The following MOB3B variants were observed in gnomAD, a reference collection of about 807,000 sequenced individuals.
MOB3B encodes MOB kinase activator 3B.
In MOB3B, 7 loss-of-function variants were observed where a neutral mutation model predicts 18.7. That is an observed-to-expected ratio of 0.37 (90% confidence interval 0.21 to 0.70). MOB3B has a LOEUF of 0.70. Among genes scored for constraint, MOB3B ranks in the 30% least tolerant of loss-of-function variants. The pLI, the probability that MOB3B is intolerant of heterozygous loss-of-function variation, is 0.52. For synonymous variants in MOB3B, 111 were observed against 99.9 expected (o/e 1.11, Z -0.66); for missense variants, 253 against 281.3 (o/e 0.90, Z 0.72).
Position 27,330,554 on chromosome 9 carries a change from G to A in MOB3B, c.*33C>T, listed in dbSNP as rs775753898. ...CCGCTCAGGGCACCAGGAGGAAACAGCTTTCCTTTCTTCCAAAGGGTGAGG... is the reference window on the plus strand; with the variant it reads ...CCGCTCAGGGCACCAGGAGGAAACAACTTTCCTTTCTTCCAAAGGGTGAGG... On this transcript the variant is annotated 3_prime_UTR_variant, in exon 4 of 4. Transcript: ENST00000262244. 6.2e-7 allele frequency: 1 copy of A among 1,613,534 alleles called. No homozygotes were observed. Among genetic ancestry groups the A allele is most frequent in the African/African-American group, 1.3e-5 (1 of 74,920 alleles).
At chr9:27,401,520 T>C (rs1018163183) in intron 2 of MOB3B, among the ~76,000 whole-genome samples, 9 of 152,136 alleles carry the variant, frequency 5.9e-5, no homozygotes, top group Non-Finnish European at 4.4e-5. Context: ...CAAAGATAGA[T>C]GATCTGAAAC....
intron 2 of MOB3B, among the ~76,000 whole-genome samples, chr9:27,395,885 C>A (rs1821790628): frequency 6.6e-6 from 1 of 152,136 alleles, no homozygotes; most frequent in African/African-American, 2.4e-5. Flanking sequence ...GGAGCACTTG[C>A]AGGATTAAAT....
At chr9:27,474,763 T>A (rs1353212496) in intron 1 of MOB3B, among the ~76,000 whole-genome samples, 1 of 152,208 alleles carries the variant, frequency 6.6e-6, no homozygotes, top group Non-Finnish European at 1.5e-5. Context: ...AACTTTGAAA[T>A]CTAGAATGAA....
chr9:27,417,049 T>C (rs74756784), intron 2 of MOB3B, among the ~76,000 whole-genome samples: 1,869 of 152,246 alleles, frequency 0.012, 48 homozygotes, highest in African/African-American at 0.041. Flanking sequence ...ACCATGAAGA[T>C]ACAGGATGTA....
At chr9:27,476,737 C>T (rs1376359325) in intron 1 of MOB3B, among the ~76,000 whole-genome samples, 1 of 152,282 alleles carries the variant, frequency 6.6e-6, no homozygotes, top group East Asian at 1.9e-4. Context: ...TGTAGACATC[C>T]AACTTACAAG....
chr9:27,503,822 C>T (rs1473718822), intron 1 of MOB3B, among the ~76,000 whole-genome samples: 1 of 152,206 alleles, frequency 6.6e-6, no homozygotes, highest in East Asian at 1.9e-4. Flanking sequence ...GGAGTTTGCC[C>T]TCTTGGGATT....
chr9:27,457,111 T>G, intron 1 of MOB3B, among the ~76,000 whole-genome samples: 1 of 152,238 alleles, frequency 6.6e-6, no homozygotes, highest in South Asian at 2.1e-4. Context: ...AAATCCAGTT[T>G]GTTGACTCCT....
rs1206870916 is a variant in MOB3B at position 27,325,772 on chromosome 9, G to C, written c.*4815C>G. 1.3e-5 allele frequency: 2 copies of C among 152,100 alleles called. No individual in the cohort carries two copies. Among genetic ancestry groups the C allele is most frequent in the Non-Finnish European group, 2.9e-5 (2 of 68,018 alleles). The allele number at this position is 152,100 out of a possible 1,614,324, so 9.4% of individuals were successfully genotyped here. Reference sequence around the variant, plus strand: ...TGGTACACATTTCCTCAAAGATAATGGCTATACTTTTCCCACAATCTTTTT... The same window carrying C: ...TGGTACACATTTCCTCAAAGATAATCGCTATACTTTTCCCACAATCTTTTT... On this transcript the variant is annotated 3_prime_UTR_variant, in exon 4 of 4. Transcript: ENST00000262244.
intron 2 of MOB3B, among the ~76,000 whole-genome samples, chr9:27,435,108 G>T (rs1045182322): frequency 2.0e-5 from 3 of 150,750 alleles, no homozygotes; most frequent in Admixed American, 2.0e-4. Flanking sequence ...AGGGAGAAAG[G>T]GATGGTTAAA....
chr9:27,402,507 T>A (rs1821900248), intron 2 of MOB3B, among the ~76,000 whole-genome samples: 1 of 152,206 alleles, frequency 6.6e-6, no homozygotes, highest in Non-Finnish European at 1.5e-5. Context: ...CTTTATCTCA[T>A]TGCCTGGTGT....
intron 2 of MOB3B, among the ~76,000 whole-genome samples, chr9:27,424,380 G>C (rs1822297461): frequency 6.6e-6 from 1 of 152,184 alleles, no homozygotes; most frequent in South Asian, 2.1e-4. Flanking sequence ...ATGTGTATGA[G>C]GCTCAAACTG....
At chr9:27,493,437 G>T (rs886799006) in intron 1 of MOB3B, among the ~76,000 whole-genome samples, 3 of 152,074 alleles carry the variant, frequency 2.0e-5, no homozygotes, top group African/African-American at 4.8e-5. Flanking sequence ...TCAGAAGATC[G>T]AGACCATCCT....
chr9:27,437,921 T>C (rs1373186235), intron 2 of MOB3B, among the ~76,000 whole-genome samples: 3 of 152,178 alleles, frequency 2.0e-5, no homozygotes, highest in African/African-American at 7.2e-5. Context: ...CCAAAAGCTA[T>C]GAAAGCATAG....
At chr9:27,402,833 T>G (rs1349096032) in intron 2 of MOB3B, among the ~76,000 whole-genome samples, 1 of 152,232 alleles carries the variant, frequency 6.6e-6, no homozygotes, top group Non-Finnish European at 1.5e-5. Flanking sequence ...AGGGTTGTAA[T>G]GTGTAGCTTC....
At chr9:27,449,964 C>T (rs367622792) in intron 2 of MOB3B, among the ~76,000 whole-genome samples, 6 of 144,722 alleles carry the variant, frequency 4.1e-5, no homozygotes, top group African/African-American at 1.0e-4. Context: ...GGCAACAGAG[C>T]GAGACTCTGT....
Position 27,519,970 on chromosome 9 carries a change from C to T in MOB3B, c.-199+9585G>A, listed in dbSNP as rs10121455. On this transcript the variant is annotated intron_variant, in intron 1 of 3. Transcript: ENST00000262244. Reference sequence around the variant, plus strand: ...CCTCTGCATGCCCCATGGGAAGTACCGCTAGGCCTGGACACAAGGCTTCCT... The same window carrying T: ...CCTCTGCATGCCCCATGGGAAGTACTGCTAGGCCTGGACACAAGGCTTCCT... 5.9e-4 allele frequency among the ~76,000 whole-genome samples: 89 copies of T among 152,120 alleles called. 1 individual carries two copies. Among genetic ancestry groups the T allele is most frequent in the African/African-American group, 2.0e-3 (82 of 41,480 alleles).
chr9:27,489,852 A>C (rs893140332), intron 1 of MOB3B, among the ~76,000 whole-genome samples: 1 of 148,020 alleles, frequency 6.8e-6, no homozygotes, highest in Non-Finnish European at 1.5e-5. Flanking sequence ...ACACAAATGT[A>C]TCTCTAAAAC....
chr9:27,336,956 A>G (rs1396888306), intron 3 of MOB3B, among the ~76,000 whole-genome samples: 2 of 152,228 alleles, frequency 1.3e-5, no homozygotes, highest in African/African-American at 2.4e-5. Flanking sequence ...AGGCCGTCAA[A>G]GGGTATTGCA....
chr9:27,484,748 C>A (rs1460935157), intron 1 of MOB3B, among the ~76,000 whole-genome samples: 1 of 152,088 alleles, frequency 6.6e-6, no homozygotes, highest in Non-Finnish European at 1.5e-5. Flanking sequence ...ACCCCCCGAC[C>A]CCCGGCCTCC....
Sources: allele counts gnomAD v4.1 joint callset (sites outside exome capture counted in the v4.1 genomes callset), GRCh38; gene constraint gnomAD v4.1.1; transcripts MANE v1.5; gene names NCBI Gene and HGNC (gene_info 2026-07-23, HGNC 2026-07-21).